RP9: variants seen among roughly 807,000 people sequenced by gnomAD.
RP9 encodes the protein retinitis pigmentosa 9 protein.
In RP9, 23 loss-of-function variants were observed where a neutral mutation model predicts 32.6. That is an observed-to-expected ratio of 0.71 (90% confidence interval 0.51 to 1.00). The LOEUF (loss-of-function observed/expected upper bound fraction) is 1.00, where lower values mean the gene tolerates loss of function less well. Among genes scored for constraint, RP9 ranks in the 50% least tolerant of loss-of-function variants. The pLI is 0.00. For synonymous variants in RP9, 94 were observed against 103.6 expected (o/e 0.91, Z 0.56); for missense variants, 245 against 285.3 (o/e 0.86, Z 1.02).
At chr7:33,101,338 G>A (rs531328297) in intron 1 of RP9, among the ~76,000 whole-genome samples, 6 of 152,254 alleles carry the variant, frequency 3.9e-5, no homozygotes, top group South Asian at 2.1e-4. Flanking sequence ...GTGGTGGCTC[G>A]CGCCTGTAAT....
At position 33,095,411 on chromosome 7, in the gene RP9, T is replaced by G. The variant is rs1256848306; in HGVS notation, c.489A>C (p.Leu163Phe). The G allele has an allele frequency of 1.2e-6, 2 of 1,613,942 alleles. No individual in the cohort carries two copies. The highest frequency in any genetic ancestry group is 1.7e-5 in the Admixed American group (1 of 60,014). ...CTTCATCTGAGGTAGAATCCTCCAG[T>G]AACTGTTTTAACTGCTGTATCCTAA... Reference protein sequence around the residue: ...KDVRIQQLKQLLEDSTSDEDR... With the variant: ...KDVRIQQLKQFLEDSTSDEDR... The change falls in exon 6 of 6, where the codon TTA becomes TTC. Residue 163 changes from leucine to phenylalanine, a missense_variant. Physicochemically the swap from Leu to Phe is conservative, Grantham distance 22. Coordinates refer to ENST00000297157, the MANE Select transcript of RP9 (RefSeq NM_203288.2).
rs1052124850 is a variant in RP9, at chr7:33,109,033, G to T, written c.152+188C>A. Among the ~76,000 whole-genome samples, 1 of 152,086 alleles carries T rather than the reference G, an allele frequency of 6.6e-6. No individual in the cohort carries two copies. Among genetic ancestry groups the T allele is most frequent in the African/African-American group, 2.4e-5 (1 of 41,422 alleles). ...GGCTCCCTGAACGCCCCGCCAGGAG[G>T]ATGGACTTCAAGTCCTTGACCGCGG... On this transcript the variant is annotated intron_variant, in intron 1 of 5. Coordinates refer to ENST00000297157, the MANE Select transcript of RP9 (RefSeq NM_203288.2). This position sits in a 1 kb window ranked among gnomAD's most constrained non-coding sequence, Gnocchi z 4.9.
In RP9 at chr7:33,102,574, C is replaced by T. The variant is rs184876294; in HGVS notation, c.153-2013G>A. Among the ~76,000 whole-genome samples the T allele has an allele frequency of 7.9e-3, 1,210 of 152,358 alleles. 4 individuals are homozygous for T. Among genetic ancestry groups the T allele is most frequent in the Middle Eastern group, 0.024 (7 of 294 alleles). ...GTCATTCAGACTGTACTAACTTTCT[C>T]TGAGTAGGAAGAAGACCAGTTATGT... On this transcript the variant is annotated intron_variant, in intron 1 of 5. Coordinates refer to ENST00000297157, the MANE Select transcript of RP9 (RefSeq NM_203288.2).
chr7:33,105,160 A>G (rs372700434), intron 1 of RP9, among the ~76,000 whole-genome samples: 1 of 152,302 alleles, frequency 6.6e-6, no homozygotes, highest in Admixed American at 6.5e-5. Context: ...GTACTGAAGG[A>G]CAACAGATTG....
chr7:33,098,589 C>A (rs1186262573), intron 3 of RP9, among the ~76,000 whole-genome samples: 5 of 152,162 alleles, frequency 3.3e-5, no homozygotes, highest in African/African-American at 1.2e-4. Flanking sequence ...GGCTTTCCCT[C>A]CACGTGGGAG....
At chr7:33,106,279 C>T (rs1396179449) in intron 1 of RP9, among the ~76,000 whole-genome samples, 1 of 152,006 alleles carries the variant, frequency 6.6e-6, no homozygotes, top group Non-Finnish European at 1.5e-5. Context: ...GCAGATCTTC[C>T]CACTTCAGCC....
intron 1 of RP9, among the ~76,000 whole-genome samples, chr7:33,105,554 CAAA>C (rs1788487229): frequency 2.0e-5 from 3 of 152,118 alleles, no homozygotes; most frequent in Non-Finnish European, 2.9e-5. Flanking sequence ...TAAACTCCTA[CAAA>C]TATTACCCTA....
At chr7:33,105,480 T>A (rs974729097) in intron 1 of RP9, among the ~76,000 whole-genome samples, 6 of 148,748 alleles carry the variant, frequency 4.0e-5, no homozygotes, top group Admixed American at 1.3e-4. Context: ...ATAACTTTAA[T>A]TTTTTTTTTA....
In RP9 at chr7:33,109,069, C is replaced by G. The variant is rs1406548626; in HGVS notation, c.152+152G>C. 3.3e-6 allele frequency: 4 copies of G among 1,204,376 alleles called. No homozygotes were observed. Among genetic ancestry groups the G allele is most frequent in the Non-Finnish European group, 4.2e-6 (4 of 942,710 alleles). The allele number at this position is 1,204,376 out of a possible 1,614,324, so 74.6% of individuals were successfully genotyped here. Reference sequence around the variant, plus strand: ...AGTCCTTGACCGCGGCGCCCGACATCGGTCGCCCGCACCAGGCTCCTGCCG... The same window carrying G: ...AGTCCTTGACCGCGGCGCCCGACATGGGTCGCCCGCACCAGGCTCCTGCCG... On this transcript the variant is annotated intron_variant, in intron 1 of 5. Coordinates refer to ENST00000297157, the MANE Select transcript of RP9 (RefSeq NM_203288.2). The surrounding 1 kb of genome is among the most constrained non-coding windows in gnomAD (Gnocchi z 4.9).
chr7:33,099,173 T>G, intron 3 of RP9, 134 bp downstream of exon 3: 1 of 1,035,332 alleles, frequency 9.7e-7, no homozygotes, highest in Non-Finnish European at 1.5e-6. Flanking sequence ...GGATGCTTCC[T>G]TATCTAGAAG....
At chr7:33,105,361 C>T (rs1562621943) in intron 1 of RP9, among the ~76,000 whole-genome samples, 1 of 152,132 alleles carries the variant, frequency 6.6e-6, no homozygotes. Flanking sequence ...CTGTCTCCTG[C>T]CCTTCTTTCT....
At chr7:33,105,771 T>G (rs763479272) in intron 1 of RP9, among the ~76,000 whole-genome samples, 3 of 152,202 alleles carry the variant, frequency 2.0e-5, no homozygotes, top group Non-Finnish European at 2.9e-5. Context: ...CCCTTTTTTG[T>G]CTAATCATAT....
intron 1 of RP9, among the ~76,000 whole-genome samples, chr7:33,108,061 A>G (rs888107289): frequency 2.0e-5 from 3 of 152,372 alleles, no homozygotes; most frequent in South Asian, 2.1e-4. Context: ...AGTAGGTTAC[A>G]GTCTGTTTAC....
chr7:33,098,708 C>T lies in RP9; in HGVS notation c.313+599G>A, dbSNP rs572747031. 2.1e-4 allele frequency among the ~76,000 whole-genome samples: 32 copies of T among 152,282 alleles called. No individual in the cohort carries two copies. The South Asian group carries it at 6.4e-3, about 31-fold the overall frequency. ...AAATAATCAAGGCAATGAAGCATTC[C>T]CATCAAAATTCTCAAGGAAACTGAT... On this transcript the variant is annotated intron_variant, in intron 3 of 5. Coordinates refer to ENST00000297157, the MANE Select transcript of RP9 (RefSeq NM_203288.2).
intron 2 of RP9, among the ~76,000 whole-genome samples, 174 bp from the exon 3 acceptor site, chr7:33,099,610 C>A (rs1221734454): frequency 6.6e-6 from 1 of 151,826 alleles, no homozygotes; most frequent in Admixed American, 6.6e-5. Flanking sequence ...AAACAGGAAA[C>A]AAATGTACCA....
chr7:33,098,609 G>T (rs1166201982), intron 3 of RP9, among the ~76,000 whole-genome samples: 1 of 152,124 alleles, frequency 6.6e-6, no homozygotes, highest in Non-Finnish European at 1.5e-5. Flanking sequence ...GCCTTCTCTG[G>T]GAAAATATAA....
At chr7:33,106,340 T>C (rs1191351223) in intron 1 of RP9, among the ~76,000 whole-genome samples, 8 of 152,046 alleles carry the variant, frequency 5.3e-5, no homozygotes, top group Non-Finnish European at 8.8e-5. Flanking sequence ...GGTTAATTTC[T>C]TTTTTCCTTC....
chr7:33,096,590 T>C (rs779856868), intron 4 of RP9, 36 bp from the exon 5 acceptor site: 7 of 1,406,380 alleles, frequency 5.0e-6, no homozygotes, highest in Non-Finnish European at 7.1e-6. Flanking sequence ...TTGGTTAGGC[T>C]TCATGGATCA....
Position 33,101,205 on chromosome 7 carries a change from T to C in RP9, c.153-644A>G, listed in dbSNP as rs78488116. Among the ~76,000 whole-genome samples, 336 of 152,274 alleles carry C rather than the reference T, an allele frequency of 2.2e-3. 9 individuals carry two copies. The East Asian group carries it at 0.023, about 10-fold the overall frequency. On this transcript the variant is annotated intron_variant, in intron 1 of 5. Transcript: ENST00000297157. ...AGAGAAACACTTAATGATTTAATGT[T>C]TTCTTCATTCGGACTCTCGTCTTAT...
Sources: allele counts gnomAD v4.1 joint callset (sites outside exome capture counted in the v4.1 genomes callset), GRCh38; gene constraint gnomAD v4.1.1; non-coding constraint Gnocchi (gnomAD v3.1); transcripts MANE v1.5; gene names NCBI Gene and HGNC (gene_info 2026-07-23, HGNC 2026-07-21).